Variants in CEP164 observed in about 807,000 individuals in gnomAD.
The protein encoded by CEP164 is centrosomal protein 164.
A neutral mutation model predicts 182.7 loss-of-function variants in CEP164; 162 were observed. The ratio of observed to expected loss-of-function variants is 0.89; its 90% CI spans 0.78 to 1.01. CEP164 has a LOEUF of 1.01. CEP164 is among the 50% of genes least tolerant of loss of function. The probability of loss-of-function intolerance (pLI) is 0.00; values close to 1 mark genes in which losing one functional copy is unlikely to be tolerated. For synonymous variants in CEP164, 661 were observed against 690.0 expected, an observed-to-expected ratio of 0.96 and a Z score of 0.66; for missense variants, 1,735 against 1,790.4, an observed-to-expected ratio of 0.97 and a Z score of 0.56.
chr11:117,327,934 CGCCTCGCCCAGA>C (rs955861405), intron 1 of CEP164, 30 bp downstream of exon 1: 5 of 152,384 alleles, frequency 3.3e-5, no homozygotes, highest in Non-Finnish European at 7.3e-5. Context: ...GGGGGAGCTG[CGCCTCGCCCAGA>C]GCCTCGCCCG....
Position 117,411,640 on chromosome 11 carries a change from T to G in CEP164, c.4164-155T>G. ...TTGGGAACTGTTCTGGAGGGGCAGA[T>G]GTTTTGAAGCTTTGAATTGCTAGGG... On this transcript the variant is annotated intron_variant, in intron 31 of 32. Coordinates refer to ENST00000278935, the MANE Select transcript of CEP164 (RefSeq NM_014956.5). This position sits in a 1 kb window ranked among gnomAD's most constrained non-coding sequence, Gnocchi z 4.4. 3.0e-6 allele frequency: 3 copies of G among 996,306 alleles called. No homozygotes were observed. The highest frequency in any genetic ancestry group is 4.4e-6 in the Non-Finnish European group (3 of 688,102). The allele number at this position is 996,306 out of a possible 1,614,324, so 61.7% of individuals were successfully genotyped here.
chr11:117,393,118 G>T lies in CEP164; in HGVS notation c.2608G>T (p.Glu870Ter). 6.2e-7 allele frequency: 1 copy of T among 1,612,828 alleles called. No homozygotes were observed. The highest frequency in any genetic ancestry group is 8.5e-7 in the Non-Finnish European group (1 of 1,179,490). ...GATGGCTAAGGCCAGAGAGCAGTAT[G>T]AAGCTGAGGTAGCTCAGCCACATCC... ...QVMAKAREQYEAEERKQRAEL... is the reference protein window; with the variant it reads ...QVMAKAREQY The change falls in exon 20 of 33, where the codon GAA becomes TAA. Residue 870 changes from glutamate (E) to a stop codon, truncating the protein, a stop_gained. Coordinates refer to ENST00000278935, the MANE Select transcript of CEP164 (RefSeq NM_014956.5). LOFTEE classifies it high-confidence loss of function.
chr11:117,336,808 G>A (rs2037208414), intron 2 of CEP164, among the ~76,000 whole-genome samples: 1 of 151,984 alleles, frequency 6.6e-6, no homozygotes, highest in South Asian at 2.1e-4. Flanking sequence ...CAGGACTTGT[G>A]GCTCCAGACT....
At chr11:117,355,396 A>T in intron 5 of CEP164, 1 of 1,289,840 alleles carries the variant, frequency 7.8e-7, no homozygotes. Flanking sequence ...AGGATGTGGT[A>T]GAAAGCAGGA....
intron 9 of CEP164, among the ~76,000 whole-genome samples, chr11:117,372,311 G>A (rs1007888904): frequency 1.3e-5 from 2 of 152,030 alleles, no homozygotes; most frequent in Non-Finnish European, 2.9e-5. Context: ...GTTTCGCCAT[G>A]TTGCCCAGGC....
At position 117,411,352 on chromosome 11, in the gene CEP164, G is replaced by A. The variant is rs1565646012; in HGVS notation, c.4164-443G>A. On this transcript the variant is annotated intron_variant, in intron 31 of 32. Coordinates refer to ENST00000278935, the MANE Select transcript of CEP164 (RefSeq NM_014956.5). The surrounding 1 kb of genome is among the most constrained non-coding windows in gnomAD (Gnocchi z 4.4). ...GACACCCTGTGGAGGAGACAGACGG[G>A]CAATTATTTAAACCTGTTATTAATT... The A allele has an allele frequency of 2.5e-5, 6 of 239,028 alleles. No homozygotes were observed. The South Asian group carries it at 2.9e-4, about 11-fold the overall frequency. The allele number at this position is 239,028 out of a possible 1,614,324, so 14.8% of individuals were successfully genotyped here.
intron 2 of CEP164, chr11:117,336,549 G>A: frequency 6.5e-7 from 1 of 1,533,556 alleles, no homozygotes; most frequent in South Asian, 1.2e-5. Flanking sequence ...TAGGTGGTGG[G>A]TGGGCAGGAT....
Position 117,409,037 on chromosome 11 carries a change from G to A in CEP164, c.3748+9G>A. 1 of 1,613,918 alleles carries A rather than the reference G, an allele frequency of 6.2e-7. No homozygotes were observed. The highest frequency in any genetic ancestry group is 8.5e-7 in the Non-Finnish European group (1 of 1,179,912). On this transcript the variant is annotated intron_variant, in intron 29 of 32. Coordinates refer to ENST00000278935, the MANE Select transcript of CEP164 (RefSeq NM_014956.5). This position sits in a 1 kb window ranked among gnomAD's most constrained non-coding sequence, Gnocchi z 4.4. ...GTGGCGGCAGCAGAGGAGTGAGTGGGGGAGATGCGGGGTGAGGACCATGGT... is the reference window on the plus strand; with the variant it reads ...GTGGCGGCAGCAGAGGAGTGAGTGGAGGAGATGCGGGGTGAGGACCATGGT...
At chr11:117,344,528 G>A (rs1410193614) in intron 4 of CEP164, among the ~76,000 whole-genome samples, 1 of 152,182 alleles carries the variant, frequency 6.6e-6, no homozygotes, top group Non-Finnish European at 1.5e-5. Flanking sequence ...CCTGGGTCTG[G>A]TTCTCTAGCA....
intron 11 of CEP164, among the ~76,000 whole-genome samples, chr11:117,376,075 T>C (rs551218015): frequency 1.3e-5 from 2 of 152,208 alleles, no homozygotes; most frequent in East Asian, 1.9e-4. Context: ...GCTGTGTAGA[T>C]TGTAGATTTC....
chr11:117,341,344 C>A (rs1477718275), intron 3 of CEP164, among the ~76,000 whole-genome samples: 6 of 152,088 alleles, frequency 3.9e-5, no homozygotes, highest in Non-Finnish European at 8.8e-5. Context: ...TGCTTTTAGT[C>A]CCCCCGCATC....
intron 4 of CEP164, among the ~76,000 whole-genome samples, chr11:117,351,086 GCAAT>G (rs1735892885): frequency 6.6e-6 from 1 of 152,110 alleles, no homozygotes; most frequent in South Asian, 2.1e-4. Context: ...AGGCTGGAGT[GCAAT>G]GGCACAATCT....
chr11:117,355,973 C>T, intron 5 of CEP164: 2 of 1,115,340 alleles, frequency 1.8e-6, no homozygotes, highest in Non-Finnish European at 1.1e-6. Flanking sequence ...AGATCAGAAG[C>T]CTAGCTTGTC....
At chr11:117,385,942 A>G (rs532440833) in intron 14 of CEP164, 3 of 152,200 alleles carry the variant, frequency 2.0e-5, no homozygotes, top group African/African-American at 7.2e-5. Context: ...AGGTGCTGCA[A>G]TGGGATTCGT....
chr11:117,411,880 CG>C lies in CEP164; in HGVS notation c.4251del (p.Arg1418GlyfsTer25), dbSNP rs1565648257. Reference protein sequence around the residue: ...TTFQGIIEANRRWLERVKNDP... With the variant: ...TTFQGIIEANXRWLERVKNDP... ...CTTTCAGGGCATAATTGAGGCCAAC[CG>C]GAGGTGGCTGGAACGTGTCAAGAAT... is the stretch of plus-strand genomic sequence containing the variant. On this transcript the variant is annotated frameshift_variant, in exon 32 of 33. Transcript: ENST00000278935. LOFTEE classifies it low-confidence loss of function (END_TRUNC). This position sits in a 1 kb window ranked among gnomAD's most constrained non-coding sequence, Gnocchi z 4.4. 1 of 1,614,124 alleles carries C rather than the reference CG, an allele frequency of 6.2e-7. No individual in the cohort carries two copies. The highest frequency in any genetic ancestry group is 1.1e-5 in the South Asian group (1 of 91,066).
chr11:117,404,463 T>G (rs916390407), intron 27 of CEP164, among the ~76,000 whole-genome samples: 2 of 152,236 alleles, frequency 1.3e-5, no homozygotes, highest in African/African-American at 4.8e-5. Context: ...CCCTATTTGC[T>G]TGGATATCAC....
chr11:117,347,693 A>C (rs2039088420), intron 4 of CEP164, among the ~76,000 whole-genome samples: 1 of 151,218 alleles, frequency 6.6e-6, no homozygotes. Context: ...CTGGGCAGCA[A>C]GAGCGAAACT....
chr11:117,403,522 T>C (rs1379769192), intron 27 of CEP164, among the ~76,000 whole-genome samples: 1 of 152,252 alleles, frequency 6.6e-6, no homozygotes, highest in Non-Finnish European at 1.5e-5. Context: ...CAGAGAGATC[T>C]GCTGTTAGTC....
chr11:117,363,480 G>A lies in CEP164; in HGVS notation c.739G>A (p.Ala247Thr), dbSNP rs2041246054. Residue 247 changes from alanine to threonine, a missense_variant, in exon 8 of 33, where the codon GCA (alanine) becomes ACA (threonine). By Grantham distance (58) the Ala-to-Thr change is moderately conservative (BLOSUM62 0). Transcript: ENST00000278935. ...PLRNLHLDIG[A>T]LGGDFEYEES... ...TAGGAACCTACACCTGGACATTGGG[G>A]CACTGGGGGGTGACTTTGAGTATGA... is the stretch of plus-strand genomic sequence containing the variant. 1.2e-6 allele frequency: 2 copies of A among 1,613,830 alleles called. No individual in the cohort carries two copies. The highest frequency in any genetic ancestry group is 2.7e-5 in the African/African-American group (2 of 74,906).
Sources: gnomAD v4.1 joint callset for allele counts (sites outside exome capture counted in the v4.1 genomes callset) on GRCh38, gnomAD v4.1.1 for gene constraint, Gnocchi (gnomAD v3.1) non-coding constraint, MANE v1.5 for transcripts, NCBI Gene and HGNC (gene_info 2026-07-23, HGNC 2026-07-21) for gene names.